Variants in MB observed in about 807,000 individuals in gnomAD.
MB encodes myoglobin.
Under a neutral mutation model 14.5 loss-of-function variants are expected in MB, and 10 were observed. The observed-to-expected ratio is 0.69, with a 90% CI of 0.43 to 1.17. The LOEUF (loss-of-function observed/expected upper bound fraction) is 1.17, where lower values mean the gene tolerates loss of function less well. Among genes scored for constraint, MB ranks in the 50% most tolerant of loss-of-function variants. The probability of loss-of-function intolerance (pLI) is 0.00; values close to 1 mark genes in which losing one functional copy is unlikely to be tolerated. For missense variants in MB, 169 were observed against 192.7 expected, an observed-to-expected ratio of 0.88 and a Z score of 0.73; for synonymous variants, 89 against 78.6, an observed-to-expected ratio of 1.13 and a Z score of -0.70.
intron 1 of MB, among the ~76,000 whole-genome samples, chr22:35,616,145 G>A (rs778323342): frequency 1.3e-4 from 20 of 152,132 alleles, no homozygotes; most frequent in East Asian, 3.9e-4. Flanking sequence ...CAACCCCGGC[G>A]CCCACTTCCT....
At chr22:35,614,810 G>A (rs1472211399) in intron 1 of MB, among the ~76,000 whole-genome samples, 3 of 152,076 alleles carry the variant, frequency 2.0e-5, no homozygotes, top group Admixed American at 6.5e-5. Context: ...CCATTAACCG[G>A]TGGAGACTCT....
chr22:35,620,887 T>C (rs192488594), upstream of MB, among the ~76,000 whole-genome samples: 4 of 152,354 alleles, frequency 2.6e-5, no homozygotes, highest in East Asian at 7.7e-4. Flanking sequence ...ATGTTTAATA[T>C]GAAGCTATCA....
intron 2 of MB, among the ~76,000 whole-genome samples, chr22:35,609,476 G>A (rs1922412656): frequency 6.6e-6 from 1 of 152,218 alleles, no homozygotes; most frequent in Non-Finnish European, 1.5e-5. Context: ...AGTTGGGCAG[G>A]CAGGACTCTG....
chr22:35,611,258 T>A, intron 1 of MB, 152 bp from the exon 2 acceptor site: 1 of 626,112 alleles, frequency 1.6e-6, no homozygotes. Flanking sequence ...CTTCCTCATA[T>A]AAGGGATGGG....
At chr22:35,615,455 T>G (rs910040280) in intron 1 of MB, 1 of 152,264 alleles carries the variant, frequency 6.6e-6, no homozygotes, top group African/African-American at 2.4e-5. Flanking sequence ...ACCTCCGTGA[T>G]CCTCCCTGAT....
chr22:35,617,090 T>G, intron 1 of MB, 73 bp downstream of exon 1: 3 of 1,248,400 alleles, frequency 2.4e-6, no homozygotes, highest in Non-Finnish European at 3.5e-6. Context: ...ACGTGCAAAC[T>G]TTCCACCTTG....
chr22:35,621,327 C>T (rs943264097), upstream of MB, among the ~76,000 whole-genome samples: 4 of 152,154 alleles, frequency 2.6e-5, no homozygotes, highest in Admixed American at 6.5e-5. Flanking sequence ...TCACAGGATC[C>T]TTTGAATCCA....
upstream of MB, among the ~76,000 whole-genome samples, chr22:35,620,267 G>A (rs569195554): frequency 6.6e-6 from 1 of 152,348 alleles, no homozygotes; most frequent in Admixed American, 6.5e-5. Context: ...CCGGGAGGCA[G>A]AGGTTGCAGT....
chr22:35,610,494 G>A (rs1329978012), intron 2 of MB, among the ~76,000 whole-genome samples: 1 of 152,124 alleles, frequency 6.6e-6, no homozygotes, highest in African/African-American at 2.4e-5. Context: ...TCTTGGCTCT[G>A]CCATTATCCA....
chr22:35,614,773 A>G (rs1409705819), intron 1 of MB, among the ~76,000 whole-genome samples: 2 of 151,956 alleles, frequency 1.3e-5, no homozygotes, highest in Non-Finnish European at 2.9e-5. Flanking sequence ...ACCATCACCC[A>G]GGAATTTTTG....
chr22:35,616,968 C>T, intron 1 of MB, 195 bp downstream of exon 1: 1 of 567,478 alleles, frequency 1.8e-6, no homozygotes, highest in Non-Finnish European at 3.1e-6. Flanking sequence ...CTGACATCAG[C>T]CTGAAATGGC....
rs963445726 is a variant in MB, at chr22:35,617,301, G to A, written c.-44C>T. 1.3e-6 allele frequency: 2 copies of A among 1,507,110 alleles called. No homozygotes were observed. Among genetic ancestry groups the A allele is most frequent in the Non-Finnish European group, 1.8e-6 (2 of 1,083,268 alleles). 93.4% of individuals were successfully genotyped at this position (1,507,110 alleles called of 1,614,324 possible). A position where few individuals can be genotyped will look rare whatever the true frequency, so the allele number is the denominator to read the frequency against. ...CAAAAAGAGCAAGTATGGGCTCACTGGGTGTCCTGGCCCCAACAGCTGGGG... is the reference window on the plus strand; with the variant it reads ...CAAAAAGAGCAAGTATGGGCTCACTAGGTGTCCTGGCCCCAACAGCTGGGG... On this transcript the variant is annotated 5_prime_UTR_variant, in exon 1 of 3. Transcript: ENST00000397326.
chr22:35,607,520 C>T (rs1215359568), intron 2 of MB, 77 bp from the exon 3 acceptor site: 5 of 1,421,976 alleles, frequency 3.5e-6, no homozygotes, highest in Non-Finnish European at 4.9e-6. Context: ...AGTTGTCCTC[C>T]TACCTTCTCT....
chr22:35,607,294 G>C lies in MB; in HGVS notation c.*3C>G. 1 of 1,611,526 alleles carries C rather than the reference G, an allele frequency of 6.2e-7. No homozygotes were observed. The highest frequency in any genetic ancestry group is 8.5e-7 in the Non-Finnish European group (1 of 1,178,148). ...GATGGGTGGGGGTGGGAGCGGCAGG[G>C]GCCTAGCCCTGGAAGCCCAGCTCCT... is the stretch of plus-strand genomic sequence containing the variant. On this transcript the variant is annotated 3_prime_UTR_variant, in exon 3 of 3. Coordinates refer to ENST00000397326, the MANE Select transcript of MB (RefSeq NM_005368.3).
At chr22:35,614,261 G>T (rs1002645033) in intron 1 of MB, among the ~76,000 whole-genome samples, 1 of 152,180 alleles carries the variant, frequency 6.6e-6, no homozygotes, top group Non-Finnish European at 1.5e-5. Flanking sequence ...CGTCTTGCGT[G>T]TGGCAAGGTC....
At chr22:35,614,489 A>AG (rs1316969387) in intron 1 of MB, among the ~76,000 whole-genome samples, 3 of 28,606 alleles carry the variant, frequency 1.0e-4, no homozygotes, top group Non-Finnish European at 2.3e-4. Context: ...ACTCCATCTC[A>AG]AAAAAAAAAA....
intron 1 of MB, among the ~76,000 whole-genome samples, chr22:35,614,488 CAA>C (rs34697597): frequency 5.7e-5 from 8 of 141,190 alleles, no homozygotes; most frequent in Admixed American, 7.0e-5. Context: ...GACTCCATCT[CAA>C]AAAAAAAAAA....
intron 1 of MB, among the ~76,000 whole-genome samples, chr22:35,623,014 A>T (rs913767537): frequency 6.6e-6 from 1 of 152,052 alleles, no homozygotes; most frequent in African/African-American, 2.4e-5. Flanking sequence ...GCTTCTCCCC[A>T]TTTCTACCCT....
Position 35,611,035 on chromosome 22 carries a change from A to C in MB, c.167T>G (p.Met56Arg). ...KFKHLKSEDE[M>R]KASEDLKKHG... Reference sequence around the variant, plus strand: ...CTTCTTTAAGTCCTCAGACGCCTTCATCTCGTCCTCTGACTTCAGGTGCTT... The same window carrying C: ...CTTCTTTAAGTCCTCAGACGCCTTCCTCTCGTCCTCTGACTTCAGGTGCTT... The change falls in exon 2 of 3, where the codon ATG becomes AGG. Residue 56 changes from methionine (M) to arginine (R), a missense_variant. Physicochemically the swap from Met to Arg is moderately conservative, Grantham distance 91. Transcript: ENST00000397326. 2 of 1,613,986 alleles carry C rather than the reference A, an allele frequency of 1.2e-6. No homozygotes were observed. The highest frequency in any genetic ancestry group is 2.2e-5 in the East Asian group (1 of 44,890).
Sources: allele counts gnomAD v4.1 joint callset (sites outside exome capture counted in the v4.1 genomes callset), GRCh38; gene constraint gnomAD v4.1.1; transcripts MANE v1.5; gene names NCBI Gene and HGNC (gene_info 2026-07-23, HGNC 2026-07-21).